Variants in C11orf65 observed in about 807,000 individuals in gnomAD.
C11orf65 encodes chromosome 11 open reading frame 65.
In C11orf65, 38 loss-of-function variants were observed where a neutral mutation model predicts 35.3. The ratio of observed to expected loss-of-function variants is 1.08; its 90% confidence interval spans 0.83 to 1.41. The LOEUF (loss-of-function observed/expected upper bound fraction) is 1.41. Ranked by LOEUF, C11orf65 falls within the 40% of genes most tolerant of loss-of-function variation. The pLI is 0.00. For synonymous variants in C11orf65, 105 were observed against 114.4 expected, an observed-to-expected ratio of 0.92 and a Z score of 0.53; for missense variants, 370 against 367.1, an observed-to-expected ratio of 1.01 and a Z score of -0.06.
At chr11:108,442,616 C>G (rs1310431500) in intron 2 of C11orf65, among the ~76,000 whole-genome samples, 9 of 152,182 alleles carry the variant, frequency 5.9e-5, no homozygotes, top group Admixed American at 5.9e-4. Flanking sequence ...ATCAGAATAA[C>G]AGCGGATCTC....
At position 108,404,756 on chromosome 11, in the gene C11orf65, A is replaced by C. The variant is rs569762844; in HGVS notation, c.560+673T>G. On this transcript the variant is annotated intron_variant, in intron 6 of 8. Transcript: ENST00000393084. ...ATGGGGGTTTATTTCACAATTCCATATTCTGTTCCATTGACCTATATTTCT... is the reference window on the plus strand; with the variant it reads ...ATGGGGGTTTATTTCACAATTCCATCTTCTGTTCCATTGACCTATATTTCT... 2.5e-3 allele frequency among the ~76,000 whole-genome samples: 384 copies of C among 152,144 alleles called. 2 individuals carry two copies. Among genetic ancestry groups the C allele is most frequent in the African/African-American group, 8.8e-3 (367 of 41,534 alleles).
intron 2 of C11orf65, among the ~76,000 whole-genome samples, chr11:108,361,100 C>T (rs1199528310): frequency 7.5e-6 from 1 of 132,794 alleles, no homozygotes; most frequent in East Asian, 2.1e-4. Context: ...TCAGCAAAGT[C>T]TCAGGATACA....
chr11:108,431,211 A>C (rs2092985219), intron 3 of C11orf65, among the ~76,000 whole-genome samples: 1 of 152,094 alleles, frequency 6.6e-6, no homozygotes, highest in Non-Finnish European at 1.5e-5. Context: ...CCATGAGGAG[A>C]CATGAAAATT....
rs150215836 is a variant in C11orf65, at chr11:108,352,269, T to G, written c.227-16977A>C. Among the ~76,000 whole-genome samples the G allele has an allele frequency of 4.4e-3, 674 of 152,244 alleles. 4 individuals are homozygous for G. The highest frequency in any genetic ancestry group is 0.01 in the Middle Eastern group (3 of 294). ...ACTGAAGGAACAATTACAAACATGC[T>G]TGAAACAAATTAAAATATAGTAAGT... On this transcript the variant is annotated intron_variant, in intron 2 of 3. Transcript: ENST00000524755.
At chr11:108,394,390 C>A (rs1463110686) in intron 6 of C11orf65, among the ~76,000 whole-genome samples, 2 of 151,982 alleles carry the variant, frequency 1.3e-5, no homozygotes, top group African/African-American at 4.8e-5. Context: ...ACAGAGAGAT[C>A]CTCATCTCAA....
chr11:108,343,696 C>G (rs1001186172), intron 2 of C11orf65, among the ~76,000 whole-genome samples: 1 of 152,144 alleles, frequency 6.6e-6, no homozygotes, highest in Non-Finnish European at 1.5e-5. Context: ...CCTGTAATCC[C>G]AGCTACTTGA....
At chr11:108,343,200 G>A (rs1262194012) in intron 2 of C11orf65, 1 of 1,613,446 alleles carries the variant, frequency 6.2e-7, no homozygotes, top group Non-Finnish European at 8.5e-7. Flanking sequence ...AAAATTAAAA[G>A]GTATTTAATC....
chr11:108,361,835 C>T (rs1431820893), intron 2 of C11orf65, among the ~76,000 whole-genome samples: 1 of 151,894 alleles, frequency 6.6e-6, no homozygotes, highest in Admixed American at 6.6e-5. Context: ...GACCTAATAC[C>T]ATAAAAACCC....
chr11:108,409,299 C>A (rs1254367278), intron 3 of C11orf65, among the ~76,000 whole-genome samples: 1 of 152,058 alleles, frequency 6.6e-6, no homozygotes, highest in Non-Finnish European at 1.5e-5. Flanking sequence ...ACTACTCATT[C>A]TGTGAACATT....
chr11:108,451,262 C>A (rs186806571), intron 2 of C11orf65, among the ~76,000 whole-genome samples: 243 of 152,080 alleles, frequency 1.6e-3, no homozygotes, highest in Non-Finnish European at 2.4e-3. Flanking sequence ...AAAACCCCAT[C>A]ATCTCAGCCC....
At chr11:108,378,016 T>C (rs1416801872), downstream of C11orf65, among the ~76,000 whole-genome samples, 4 of 150,202 alleles carry the variant, frequency 2.7e-5, no homozygotes, top group Non-Finnish European at 4.5e-5. Context: ...TCCATGCTCA[T>C]GGATAGGAAG....
At chr11:108,335,822 A>G in intron 2 of C11orf65, 1 of 1,580,352 alleles carries the variant, frequency 6.3e-7, no homozygotes, top group South Asian at 1.1e-5. Flanking sequence ...GTACTTGTTT[A>G]TTCATGCTTA....
At position 108,321,456 on chromosome 11, in the gene C11orf65, C is replaced by T. The variant is rs773257498; in HGVS notation, c.641-12385G>A. The T allele has an allele frequency of 1.5e-5, 25 of 1,613,482 alleles. No individual in the cohort carries two copies. In the South Asian group the frequency reaches 2.7e-4, roughly 18 times the overall value. ...CGTATGACTTTGTTATCCTAAAGTG[C>T]AGCTTTTCTGTTACCAATAGTGACT... On this transcript the variant is annotated intron_variant, in intron 6 of 6. Transcript: ENST00000525729.
chr11:108,429,842 T>C lies in C11orf65; in HGVS notation c.174+1904A>G, dbSNP rs1195944558. Among the ~76,000 whole-genome samples the C allele has an allele frequency of 3.3e-5, 5 of 152,246 alleles. No individual in the cohort carries two copies. The East Asian group carries it at 9.6e-4, about 29-fold the overall frequency. On this transcript the variant is annotated intron_variant, in intron 3 of 8. Transcript: ENST00000393084. ...GGAAAGAAATCCCGCAATAAACTATTACATGGGTGAATCTTGAGGACACTG... is the reference window on the plus strand; with the variant it reads ...GGAAAGAAATCCCGCAATAAACTATCACATGGGTGAATCTTGAGGACACTG...
At chr11:108,316,579 G>GT (rs2084668370) in intron 6 of C11orf65, among the ~76,000 whole-genome samples, 1 of 151,878 alleles carries the variant, frequency 6.6e-6, no homozygotes, top group South Asian at 2.1e-4. Context: ...CTATTTTTGT[G>GT]TTTTTTGGGA....
At chr11:108,447,511 G>A (rs969832624) in intron 2 of C11orf65, among the ~76,000 whole-genome samples, 7 of 152,056 alleles carry the variant, frequency 4.6e-5, no homozygotes, top group Admixed American at 4.6e-4. Flanking sequence ...CATGGAAACT[G>A]AACAACCTGC....
chr11:108,468,919 C>T (rs2093561788), upstream of C11orf65, among the ~76,000 whole-genome samples: 1 of 152,112 alleles, frequency 6.6e-6, no homozygotes, highest in South Asian at 2.1e-4. Flanking sequence ...GCCTGGACAA[C>T]ATGGTGAAAC....
intron 2 of C11orf65, among the ~76,000 whole-genome samples, chr11:108,438,068 G>A (rs564692359): frequency 5.3e-5 from 8 of 152,254 alleles, no homozygotes; most frequent in Admixed American, 3.3e-4. Flanking sequence ...TAGGCCAATG[G>A]AATAGCATAG....
intron 2 of C11orf65, among the ~76,000 whole-genome samples, chr11:108,458,347 C>A (rs2093431781): frequency 8.1e-6 from 1 of 123,864 alleles, no homozygotes; most frequent in East Asian, 2.2e-4. Flanking sequence ...CAGAGCAAGA[C>A]TCTGTCTCAA....
Sources: gnomAD v4.1 joint callset for allele counts (sites outside exome capture counted in the v4.1 genomes callset) on GRCh38, gnomAD v4.1.1 for gene constraint, MANE v1.5 for transcripts, NCBI Gene and HGNC (gene_info 2026-07-23, HGNC 2026-07-21) for gene names.